Variants in MICAL3 observed in about 807,000 individuals in gnomAD.
MICAL3 encodes the protein microtubule associated monooxygenase, calponin and LIM domain containing 3, also known as [F-actin]-monooxygenase MICAL3.
A neutral mutation model predicts 207.4 loss-of-function variants in MICAL3; 62 were observed. The ratio of observed to expected loss-of-function variants is 0.30; its 90% CI spans 0.24 to 0.37. The LOEUF is 0.37. Ranked by LOEUF, MICAL3 falls within the 10% of genes least tolerant of loss-of-function variation. The pLI, the probability that MICAL3 is intolerant of heterozygous loss-of-function variation, is 1.00. For missense variants in MICAL3, 2,368 were observed against 2,635.6 expected (o/e 0.90, Z 2.22); for synonymous variants, 1,077 against 1,069.3 (o/e 1.01, Z -0.14).
chr22:17,824,664 T>G (rs1384072808), intron 22 of MICAL3, among the ~76,000 whole-genome samples: 1 of 152,152 alleles, frequency 6.6e-6, no homozygotes, highest in African/African-American at 2.4e-5. Context: ...TAGCTGACAG[T>G]TAGGGCCATG....
At chr22:17,973,496 G>A (rs190052581) in intron 1 of MICAL3, among the ~76,000 whole-genome samples, 1 of 152,326 alleles carries the variant, frequency 6.6e-6, no homozygotes, top group Non-Finnish European at 1.5e-5. Flanking sequence ...CACAGGGTGT[G>A]AAGCTGATGG....
At chr22:17,833,774 T>C (rs542079979) in intron 20 of MICAL3, among the ~76,000 whole-genome samples, 5 of 152,252 alleles carry the variant, frequency 3.3e-5, no homozygotes, top group East Asian at 1.9e-4. Context: ...CAATCAATCA[T>C]TGCCTATGTA....
chr22:17,914,996 C>T (rs746285648), intron 1 of MICAL3, among the ~76,000 whole-genome samples: 15 of 152,182 alleles, frequency 9.9e-5, no homozygotes, highest in Non-Finnish European at 8.8e-5. Context: ...AAGACCCACA[C>T]CTTCCTGACC....
intron 1 of MICAL3, among the ~76,000 whole-genome samples, chr22:17,960,769 G>A (rs1423793016): frequency 6.6e-6 from 1 of 152,124 alleles, no homozygotes; most frequent in Non-Finnish European, 1.5e-5. Context: ...CCGCAAAGTG[G>A]GGAAGGAGGA....
intron 21 of MICAL3, among the ~76,000 whole-genome samples, chr22:17,831,523 T>A (rs113677070): frequency 7.5e-4 from 115 of 152,336 alleles, no homozygotes; most frequent in African/African-American, 2.5e-3. Context: ...ATTAATTTTT[T>A]CAACTGAAAC....
intron 1 of MICAL3, chr22:18,019,603 G>A (rs1237489066): frequency 6.6e-6 from 1 of 152,362 alleles, no homozygotes; most frequent in Admixed American, 6.6e-5. Context: ...GTTGAGGCAG[G>A]AGAATTGCCT....
chr22:17,979,305 G>A (rs555809265), intron 1 of MICAL3, among the ~76,000 whole-genome samples: 4 of 152,278 alleles, frequency 2.6e-5, no homozygotes, highest in East Asian at 1.9e-4. Context: ...AGCACTTTGG[G>A]AGGCCGAGGC....
chr22:17,954,389 CA>C (rs1447041892), intron 1 of MICAL3, among the ~76,000 whole-genome samples: 1 of 151,928 alleles, frequency 6.6e-6, no homozygotes, highest in African/African-American at 2.4e-5. Context: ...AGAGGAACAT[CA>C]GGGGGAAGGA....
At chr22:18,017,215 C>CT (rs550219938) in intron 1 of MICAL3, among the ~76,000 whole-genome samples, 28,950 of 144,540 alleles carry the variant, frequency 0.2, 3,151 homozygotes, top group East Asian at 0.37. Flanking sequence ...CAGAGGTTAA[C>CT]TTTTTTTTTT....
At chr22:17,834,999 G>C (rs1477292034) in intron 20 of MICAL3, among the ~76,000 whole-genome samples, 1 of 152,232 alleles carries the variant, frequency 6.6e-6, no homozygotes, top group Non-Finnish European at 1.5e-5. Context: ...CAGCAGGGCA[G>C]GGCCGCACTG....
chr22:17,963,401 T>C (rs182304008), intron 1 of MICAL3, among the ~76,000 whole-genome samples: 73 of 152,130 alleles, frequency 4.8e-4, no homozygotes, highest in Non-Finnish European at 9.8e-4. Flanking sequence ...CTCCATTCTT[T>C]AATGACAATG....
At chr22:17,791,881 C>T (rs1016575283) in intron 29 of MICAL3, among the ~76,000 whole-genome samples, 7 of 152,230 alleles carry the variant, frequency 4.6e-5, no homozygotes, top group Admixed American at 6.5e-5. Context: ...GATGCTCTCC[C>T]GCTGGATCCC....
intron 1 of MICAL3, among the ~76,000 whole-genome samples, chr22:18,001,696 C>G (rs897932808): frequency 3.3e-5 from 5 of 152,240 alleles, no homozygotes; most frequent in Non-Finnish European, 7.3e-5. Context: ...GTGCAAAAGG[C>G]AAAGAAATAA....
intron 1 of MICAL3, among the ~76,000 whole-genome samples, chr22:18,003,554 C>G (rs1378578679): frequency 1.3e-5 from 2 of 152,116 alleles, no homozygotes; most frequent in African/African-American, 4.8e-5. Flanking sequence ...GCCAATTGTG[C>G]TTTCATCCAC....
intron 29 of MICAL3, among the ~76,000 whole-genome samples, chr22:17,799,148 C>T (rs1017395931): frequency 2.0e-5 from 3 of 152,110 alleles, no homozygotes; most frequent in Non-Finnish European, 2.9e-5. Flanking sequence ...TTTGGGATGC[C>T]GAGACAGGTG....
At chr22:17,933,701 C>A (rs9618170) in intron 1 of MICAL3, among the ~76,000 whole-genome samples, 20,788 of 151,810 alleles carry the variant, frequency 0.14, 2,894 homozygotes, top group African/African-American at 0.36. Context: ...TTTTTTGAAA[C>A]GATCAACAAA....
chr22:17,861,990 G>A (rs1182335486), intron 19 of MICAL3: 1 of 985,394 alleles, frequency 1.0e-6, no homozygotes, highest in South Asian at 4.7e-5. Flanking sequence ...GAACATAAAG[G>A]AGAAGAGAGA....
At chr22:17,938,916 T>C (rs1933681200) in intron 1 of MICAL3, among the ~76,000 whole-genome samples, 1 of 152,180 alleles carries the variant, frequency 6.6e-6, no homozygotes, top group African/African-American at 2.4e-5. Context: ...CCATGTACAG[T>C]ATACAAACTC....
intron 29 of MICAL3, among the ~76,000 whole-genome samples, chr22:17,807,431 C>T (rs1315371793): frequency 6.6e-6 from 1 of 152,246 alleles, no homozygotes; most frequent in Non-Finnish European, 1.5e-5. Context: ...CACAGTAACA[C>T]ATCCCAGTCG....
Sources: allele counts gnomAD v4.1 joint callset (sites outside exome capture counted in the v4.1 genomes callset), GRCh38; gene constraint gnomAD v4.1.1; transcripts MANE v1.5; gene names NCBI Gene and HGNC (gene_info 2026-07-23, HGNC 2026-07-21).